DMD: variants seen among roughly 807,000 people sequenced by gnomAD.
DMD encodes the protein mutant dystrophin.
Under a neutral mutation model 330.1 loss-of-function variants are expected in DMD, and 63 were observed. The observed-to-expected ratio is 0.19, with a 90% CI of 0.16 to 0.24. The LOEUF is 0.24. Ranked by LOEUF, DMD falls within the 10% of genes least tolerant of loss-of-function variation. The pLI is 1.00. For missense variants in DMD, 3,344 were observed against 2,684.1 expected (o/e 1.25, Z -5.43); for synonymous variants, 1,223 against 959.8 (o/e 1.27, Z -5.07).
intron 44 of DMD, among the ~76,000 whole-genome samples, chrX:31,988,040 T>G (rs1206207459): frequency 8.9e-6 from 1 of 112,044 alleles, no homozygotes; most frequent in Non-Finnish European, 1.9e-5. Flanking sequence ...TATGACAACA[T>G]GGATGAACCT....
intron 44 of DMD, among the ~76,000 whole-genome samples, chrX:32,071,197 G>C (rs1257031097): frequency 1.8e-5 from 2 of 110,282 alleles, no homozygotes; most frequent in African/African-American, 6.6e-5. Flanking sequence ...GGATGGCTGG[G>C]TCAAATGGTA....
chrX:32,563,366 C>G lies in DMD; in HGVS notation c.1992+2336G>C, dbSNP rs755810627. Among the ~76,000 whole-genome samples, 15 of 94,230 alleles carry G rather than the reference C, an allele frequency of 1.6e-4. No homozygotes were observed. The East Asian group carries it at 3.6e-3, about 23-fold the overall frequency. The allele number at this position is 94,230 out of a possible 115,157, so 81.8% of individuals were successfully genotyped here. On this transcript the variant is annotated intron_variant, in intron 16 of 78. Transcript: ENST00000357033. The stretch of plus-strand genomic sequence containing the variant: ...TCAAAAAAAAAAAAAAAAAAAAAAG[C>G]AGATAGAGAACCACAAAAAGCCCTC...
chrX:31,174,679 G>A (rs1882849708), intron 71 of DMD, among the ~76,000 whole-genome samples: 2 of 111,347 alleles, frequency 1.8e-5, no homozygotes, highest in African/African-American at 6.5e-5. Context: ...TGAAGGACTT[G>A]GTTGAAACAC....
At chrX:32,382,381 A>G (rs763437447) in intron 33 of DMD, among the ~76,000 whole-genome samples, 74 of 110,944 alleles carry the variant, frequency 6.7e-4, no homozygotes, top group Non-Finnish European at 1.2e-3. Context: ...GTCTATGTGT[A>G]TGTGTGTGTA....
At chrX:32,916,481 T>G (rs1437953858) in intron 2 of DMD, among the ~76,000 whole-genome samples, 2 of 111,727 alleles carry the variant, frequency 1.8e-5, no homozygotes, top group Admixed American at 9.6e-5. Context: ...TGTAATCCCT[T>G]TAGACATCAT....
At chrX:32,212,998 A>G (rs1340288860) in intron 44 of DMD, among the ~76,000 whole-genome samples, 1 of 112,141 alleles carries the variant, frequency 8.9e-6, no homozygotes, top group East Asian at 2.8e-4. Flanking sequence ...TAAAGCACTA[A>G]ATTCTCTTCT....
At chrX:31,211,132 A>G in intron 64 of DMD, among the ~76,000 whole-genome samples, 1 of 112,364 alleles carries the variant, frequency 8.9e-6, no homozygotes. Context: ...TATCTGAAGA[A>G]TCAAGTGAGA....
At chrX:33,243,033 AC>A (rs762263401) in intron 1 of DMD, among the ~76,000 whole-genome samples, 3 of 111,377 alleles carry the variant, frequency 2.7e-5, no homozygotes, top group Non-Finnish European at 5.7e-5. Flanking sequence ...AAGATTTTCT[AC>A]CGCTCTGTGT....
At chrX:32,813,277 C>A in intron 6 of DMD, among the ~76,000 whole-genome samples, 1 of 111,712 alleles carries the variant, frequency 9.0e-6, no homozygotes, top group South Asian at 3.7e-4. Flanking sequence ...AATTGTAAAA[C>A]TAACCAACTA....
chrX:32,083,380 C>G (rs1355708224), intron 44 of DMD, among the ~76,000 whole-genome samples: 1 of 110,119 alleles, frequency 9.1e-6, no homozygotes, highest in Non-Finnish European at 1.9e-5. Context: ...GCCTCAGCCT[C>G]CCGAGTAGCT....
chrX:32,943,708 G>T (rs2090591073), intron 2 of DMD, among the ~76,000 whole-genome samples: 1 of 111,843 alleles, frequency 8.9e-6, no homozygotes, highest in African/African-American at 3.2e-5. Context: ...TCAAGTGTAA[G>T]CACGCTTTCT....
intron 55 of DMD, among the ~76,000 whole-genome samples, chrX:31,523,694 G>A (rs762736237): frequency 1.2e-3 from 137 of 112,267 alleles, no homozygotes; most frequent in Non-Finnish European, 2.4e-3. Flanking sequence ...ATTCAGCCAG[G>A]GGCCTGCCTG....
intron 1 of DMD, among the ~76,000 whole-genome samples, chrX:33,125,470 C>T (rs1016537390): frequency 1.6e-4 from 18 of 111,765 alleles, no homozygotes; most frequent in Non-Finnish European, 3.2e-4. Context: ...CAGTTACGAA[C>T]ATCTAGATTA....
intron 34 of DMD, among the ~76,000 whole-genome samples, chrX:32,379,097 C>T (rs1040025371): frequency 5.6e-5 from 6 of 107,670 alleles, no homozygotes; most frequent in Non-Finnish European, 1.2e-4. Flanking sequence ...TATTTGACAA[C>T]TAAGAGATTT....
chrX:31,686,325 C>T (rs1426324088), intron 52 of DMD, among the ~76,000 whole-genome samples: 1 of 112,077 alleles, frequency 8.9e-6, no homozygotes, highest in Non-Finnish European at 1.9e-5. Context: ...CTAAAGTTAA[C>T]CTTTGCCCAG....
intron 43 of DMD, among the ~76,000 whole-genome samples, chrX:32,262,497 A>T (rs190766810): frequency 1.7e-4 from 19 of 111,960 alleles, no homozygotes; most frequent in African/African-American, 6.2e-4. Context: ...AGCTTATTGT[A>T]TATCATTTAT....
At chrX:33,296,569 A>G (rs2053587434) in intron 1 of DMD, among the ~76,000 whole-genome samples, 2 of 110,970 alleles carry the variant, frequency 1.8e-5, no homozygotes, top group Admixed American at 1.9e-4. Flanking sequence ...TTATTTGTCA[A>G]TTATTACTAA....
At chrX:32,129,693 T>C (rs867848419) in intron 44 of DMD, among the ~76,000 whole-genome samples, 91 of 93,541 alleles carry the variant, frequency 9.7e-4, no homozygotes, top group Non-Finnish European at 1.7e-3. Context: ...TACATCTATA[T>C]ATATATAGAT....
intron 11 of DMD, 144 bp from the exon 12 acceptor site, chrX:32,614,597 G>C: frequency 2.0e-6 from 1 of 498,422 alleles, no homozygotes; most frequent in Non-Finnish European, 3.4e-6. Flanking sequence ...TGTAAGTAAA[G>C]CCCACTATCA....
Sources: gnomAD v4.1 joint callset for allele counts (sites outside exome capture counted in the v4.1 genomes callset) on GRCh38, gnomAD v4.1.1 for gene constraint, MANE v1.5 for transcripts, NCBI Gene and HGNC (gene_info 2026-07-23, HGNC 2026-07-21) for gene names.